INTS13: variants seen among roughly 807,000 people sequenced by gnomAD.
The protein encoded by INTS13 is asunder, spermatogenesis regulator homolog (Drosphila).
A neutral mutation model predicts 90.2 loss-of-function variants in INTS13; 35 were observed. The ratio of observed to expected loss-of-function variants is 0.39; its 90% CI spans 0.30 to 0.51. The LOEUF (loss-of-function observed/expected upper bound fraction) is 0.51. INTS13 is among the 20% of genes least tolerant of loss of function. The probability of loss-of-function intolerance (pLI) is 0.80; values close to 1 mark genes in which losing one functional copy is unlikely to be tolerated. For synonymous variants in INTS13, 309 were observed against 277.1 expected (o/e 1.11, Z -1.14); for missense variants, 601 against 851.2 (o/e 0.71, Z 3.66).
chr12:26,936,764 C>A lies in INTS13; in HGVS notation c.40G>T (p.Val14Leu). ...TCTGCCATATAAGGGCAGTGATCCA[C>A]AACAAACACTGTTTTATGAGATTCA... ...FSESHKTVFV[V>L]DHCPYMAESC... The change falls in exon 2 of 17, where the codon GTG becomes TTG. Residue 14 changes from valine to leucine, a missense_variant. Around this residue, in one of 3 missense-constraint regions of INTS13, gnomAD observed 284 missense variants for 387.7 expected, o/e 0.73. Coordinates refer to ENST00000261191, the MANE Select transcript of INTS13 (RefSeq NM_018164.3). 1 of 1,614,066 alleles carries A rather than the reference C, an allele frequency of 6.2e-7. No homozygotes were observed. Among genetic ancestry groups the A allele is most frequent in the Non-Finnish European group, 8.5e-7 (1 of 1,179,990 alleles).
chr12:26,906,850 T>C (rs572784590), intron 15 of INTS13, among the ~76,000 whole-genome samples: 49 of 152,332 alleles, frequency 3.2e-4, no homozygotes, highest in African/African-American at 1.1e-3. Context: ...ACTACCTCCA[T>C]AGGCAAACAT....
intron 10 of INTS13, 75 bp from the exon 11 acceptor site, chr12:26,916,255 T>C (rs1456914447): frequency 7.7e-7 from 1 of 1,299,556 alleles, no homozygotes; most frequent in East Asian, 2.4e-5. Context: ...GATTTATGTC[T>C]AGATTTTTTC....
chr12:26,923,525 A>G (rs900762819), intron 7 of INTS13, among the ~76,000 whole-genome samples: 8 of 152,218 alleles, frequency 5.3e-5, no homozygotes, highest in Non-Finnish European at 1.2e-4. Context: ...TGGCTACCTT[A>G]TATTTGTAAA....
At chr12:26,926,146 C>T (rs1303100705) in intron 5 of INTS13, among the ~76,000 whole-genome samples, 3 of 151,994 alleles carry the variant, frequency 2.0e-5, no homozygotes, top group Non-Finnish European at 4.4e-5. Context: ...ACTGCAACAG[C>T]GAAAATGAAT....
intron 3 of INTS13, among the ~76,000 whole-genome samples, chr12:26,930,098 A>T (rs1938110588): frequency 6.6e-6 from 1 of 152,212 alleles, no homozygotes; most frequent in Non-Finnish European, 1.5e-5. Context: ...ACTTAGAAAT[A>T]AATTTAACAA....
intron 10 of INTS13, among the ~76,000 whole-genome samples, chr12:26,916,465 A>C (rs1259677762): frequency 1.3e-5 from 2 of 152,164 alleles, no homozygotes; most frequent in African/African-American, 4.8e-5. Context: ...TTACATGTAC[A>C]TATTGAATTT....
At chr12:26,928,609 A>G in intron 4 of INTS13, 94 bp downstream of exon 4, 3 of 1,313,562 alleles carry the variant, frequency 2.3e-6, no homozygotes, top group Middle Eastern at 2.7e-4. Flanking sequence ...GCTTAAACGT[A>G]AACATGTAAA....
chr12:26,922,288 G>A (rs1038499577), intron 8 of INTS13, among the ~76,000 whole-genome samples: 3 of 152,288 alleles, frequency 2.0e-5, no homozygotes, highest in East Asian at 3.9e-4. Context: ...CAAAAACGAT[G>A]AGTACAGTAC....
intron 11 of INTS13, among the ~76,000 whole-genome samples, chr12:26,915,340 A>G (rs1306866307): frequency 6.6e-6 from 1 of 152,200 alleles, no homozygotes; most frequent in Non-Finnish European, 1.5e-5. Context: ...TTTTTTTACG[A>G]TATCTATATT....
At chr12:26,924,720 G>C (rs1216376084) in intron 6 of INTS13, among the ~76,000 whole-genome samples, 1 of 152,168 alleles carries the variant, frequency 6.6e-6, no homozygotes, top group African/African-American at 2.4e-5. Context: ...TGAGTATACA[G>C]AACACAGCAG....
chr12:26,931,267 A>ACC (rs1938173326), intron 3 of INTS13, among the ~76,000 whole-genome samples: 1 of 152,038 alleles, frequency 6.6e-6, no homozygotes, highest in Non-Finnish European at 1.5e-5. Flanking sequence ...ACACAGTGAA[A>ACC]CCCCATCTCT....
In INTS13 at chr12:26,931,735, A is replaced by G. The variant is rs148134592; in HGVS notation, c.300+2821T>C. On this transcript the variant is annotated intron_variant, in intron 3 of 16. Transcript: ENST00000261191. Reference sequence around the variant, plus strand: ...AAAACATAAACCTAACTAGTTGAGCATGAGTTGATTTCTGCTTCCTCCACT... The same window carrying G: ...AAAACATAAACCTAACTAGTTGAGCGTGAGTTGATTTCTGCTTCCTCCACT... Among the ~76,000 whole-genome samples, 7 of 152,306 alleles carry G rather than the reference A, an allele frequency of 4.6e-5. No individual in the cohort carries two copies. In the East Asian group the frequency reaches 1.4e-3, roughly 29 times the overall value.
At position 26,922,497 on chromosome 12, in the gene INTS13, T is replaced by A. The variant is rs535380226; in HGVS notation, c.889+119A>T. On this transcript the variant is annotated intron_variant, in intron 8 of 16. Coordinates refer to ENST00000261191, the MANE Select transcript of INTS13 (RefSeq NM_018164.3). ...GTATACAGTATAGGGTTCGAGACCA[T>A]CTGAGATTTCAGGCATCCACTGGGG... The A allele has an allele frequency of 3.1e-5, 19 of 612,636 alleles. No individual in the cohort carries two copies. In the African/African-American group the frequency reaches 3.6e-4, roughly 11 times the overall value. 38.0% of individuals were successfully genotyped at this position (612,636 alleles called of 1,614,324 possible). A position where few individuals can be genotyped will look rare whatever the true frequency, so the allele number is the denominator to read the frequency against.
chr12:26,917,150 G>A, intron 10 of INTS13, among the ~76,000 whole-genome samples: 1 of 152,024 alleles, frequency 6.6e-6, no homozygotes, highest in Non-Finnish European at 1.5e-5. Context: ...TCTTTTAAAT[G>A]TTAGTAAAAA....
rs112553457 is a variant in INTS13, at chr12:26,936,320, T to C, written c.225+259A>G. On this transcript the variant is annotated intron_variant, in intron 2 of 16. Transcript: ENST00000261191. ...CAGTTCCTACCTAACATGACTGTTATGAGAATTACGGAAATTAATAAATAT... is the reference window on the plus strand; with the variant it reads ...CAGTTCCTACCTAACATGACTGTTACGAGAATTACGGAAATTAATAAATAT... Among the ~76,000 whole-genome samples the C allele has an allele frequency of 2.0e-5, 3 of 152,346 alleles. 1 individual carries two copies. Among genetic ancestry groups the C allele is most frequent in the African/African-American group, 4.8e-5 (2 of 41,580 alleles).
chr12:26,912,128 T>A (rs1042459989), intron 14 of INTS13, among the ~76,000 whole-genome samples: 2 of 152,138 alleles, frequency 1.3e-5, no homozygotes, highest in Non-Finnish European at 2.9e-5. Context: ...GTTTGAAATT[T>A]TCCATCATAA....
At chr12:26,937,095 G>A (rs1043622294) in intron 1 of INTS13, among the ~76,000 whole-genome samples, 1 of 152,120 alleles carries the variant, frequency 6.6e-6, no homozygotes, top group Non-Finnish European at 1.5e-5. Flanking sequence ...AATTGTCAGA[G>A]GGAAACATTT....
chr12:26,913,291 G>A (rs1458796244), intron 14 of INTS13, among the ~76,000 whole-genome samples, 166 bp downstream of exon 14: 2 of 152,100 alleles, frequency 1.3e-5, no homozygotes, highest in Non-Finnish European at 2.9e-5. Context: ...TTGTGCCCAA[G>A]AAAGATCCTC....
At chr12:26,924,981 CAAAATCTTACTCATTCCA>C (rs1443894831) in intron 6 of INTS13, among the ~76,000 whole-genome samples, 1 of 152,078 alleles carries the variant, frequency 6.6e-6, no homozygotes, top group Non-Finnish European at 1.5e-5. Context: ...CAAGATAACA[CAAAATCTTACTCATTCCA>C]GGGCAATAAT....
Sources: allele counts gnomAD v4.1 joint callset (sites outside exome capture counted in the v4.1 genomes callset), GRCh38; gene constraint gnomAD v4.1.1; regional missense constraint gnomAD v4.1.1; transcripts MANE v1.5; gene names NCBI Gene and HGNC (gene_info 2026-07-23, HGNC 2026-07-21).